COL23A1: variants seen among roughly 807,000 people sequenced by gnomAD.
The protein encoded by COL23A1 is collagen alpha-1(XXIII) chain.
COL23A1 carries 97 observed loss-of-function variants against 99.3 expected under a neutral mutation model. That is an observed-to-expected ratio of 0.98 (90% CI 0.83 to 1.16). The LOEUF is 1.16. Among genes scored for constraint, COL23A1 ranks in the 50% most tolerant of loss-of-function variants. COL23A1 has a pLI of 0.00. For synonymous variants in COL23A1, 320 were observed against 308.2 expected (o/e 1.04, Z -0.40); for missense variants, 762 against 757.4 (o/e 1.01, Z -0.07).
At chr5:178,578,294 G>A (rs1298640581) in intron 1 of COL23A1, among the ~76,000 whole-genome samples, 1 of 152,000 alleles carries the variant, frequency 6.6e-6, no homozygotes, top group East Asian at 1.9e-4. Flanking sequence ...CATTCTCCTG[G>A]CACACACATA....
chr5:178,559,009 C>G (rs958146384), intron 2 of COL23A1, among the ~76,000 whole-genome samples: 1 of 152,152 alleles, frequency 6.6e-6, no homozygotes. Flanking sequence ...AGACTGCTCT[C>G]GAACTCCTGA....
chr5:178,551,714 G>T (rs1018755512), intron 2 of COL23A1, among the ~76,000 whole-genome samples: 1 of 152,050 alleles, frequency 6.6e-6, no homozygotes, highest in African/African-American at 2.4e-5. Flanking sequence ...CTGGATTTAG[G>T]GGATGCTGCA....
intron 25 of COL23A1, among the ~76,000 whole-genome samples, chr5:178,243,904 A>G (rs1764538814): frequency 6.6e-6 from 1 of 152,116 alleles, no homozygotes; most frequent in Non-Finnish European, 1.5e-5. Context: ...ATCCCTTCCC[A>G]TTGATGGAAC....
chr5:178,408,976 ACACAC>A (rs1764915702), intron 2 of COL23A1, among the ~76,000 whole-genome samples: 3 of 13,474 alleles, frequency 2.2e-4, no homozygotes, highest in Admixed American at 1.1e-3. Context: ...AAAAAAAAAT[ACACAC>A]ACACACACAC....
At chr5:178,292,233 G>GC (rs5873604) in intron 3 of COL23A1, among the ~76,000 whole-genome samples, 91,866 of 151,718 alleles carry the variant, frequency 0.61, 28,641 homozygotes, top group Non-Finnish European at 0.7. Flanking sequence ...GCCCGCACCT[G>GC]CCCCTGCACC....
At chr5:178,386,608 T>A (rs961333592) in intron 2 of COL23A1, among the ~76,000 whole-genome samples, 23 of 151,970 alleles carry the variant, frequency 1.5e-4, no homozygotes, top group African/African-American at 5.6e-4. Flanking sequence ...GGGTGAGTGT[T>A]TGATAAAGTG....
chr5:178,288,463 GA>G, intron 4 of COL23A1, 113 bp from the exon 5 acceptor site: 1 of 918,244 alleles, frequency 1.1e-6, no homozygotes, highest in Non-Finnish European at 1.8e-6. Flanking sequence ...GCTGGTTGGT[GA>G]CTTCCTCTGC....
intron 2 of COL23A1, among the ~76,000 whole-genome samples, chr5:178,348,992 G>C (rs1167166900): frequency 2.0e-5 from 3 of 151,992 alleles, no homozygotes; most frequent in Non-Finnish European, 2.9e-5. Context: ...GTGAACACAT[G>C]TGCAAAGGTG....
chr5:178,557,456 C>A (rs1762335966), intron 2 of COL23A1, among the ~76,000 whole-genome samples: 1 of 152,134 alleles, frequency 6.6e-6, no homozygotes, highest in Non-Finnish European at 1.5e-5. Flanking sequence ...CAGCTCAGGG[C>A]CCCCCGCCAG....
chr5:178,246,668 T>A (rs1443022410), intron 22 of COL23A1, among the ~76,000 whole-genome samples: 1 of 148,090 alleles, frequency 6.8e-6, no homozygotes, highest in East Asian at 2.0e-4. Context: ...CTCAGCCCCA[T>A]GGAAGGTGAT....
In COL23A1 at chr5:178,559,970, T is replaced by C. The variant is rs376233889; in HGVS notation, c.361+712A>G. 2.8e-4 allele frequency among the ~76,000 whole-genome samples: 43 copies of C among 152,298 alleles called. No individual in the cohort carries two copies. The East Asian group carries it at 7.1e-3, about 25-fold the overall frequency. ...ACATCACCATTTTCCACTCATCCAC[T>C]GGTATCAGACACCATTCTAAGGGAG... On this transcript the variant is annotated intron_variant, in intron 2 of 28. Transcript: ENST00000390654.
intron 2 of COL23A1, among the ~76,000 whole-genome samples, chr5:178,427,505 C>T (rs1368608451): frequency 1.3e-5 from 2 of 152,206 alleles, no homozygotes; most frequent in Non-Finnish European, 2.9e-5. Context: ...ATTTCCAAAC[C>T]TGCAAGCAGC....
Position 178,255,406 on chromosome 5 carries a change from C to T in COL23A1, c.883-380G>A, listed in dbSNP as rs1277997816. Among the ~76,000 whole-genome samples the T allele has an allele frequency of 6.6e-6, 1 of 152,194 alleles. No homozygotes were observed. Among genetic ancestry groups the T allele is most frequent in the Non-Finnish European group, 1.5e-5 (1 of 68,032 alleles). On this transcript the variant is annotated intron_variant, in intron 15 of 28. Coordinates refer to ENST00000390654, the MANE Select transcript of COL23A1 (RefSeq NM_173465.4). The surrounding 1 kb of genome is among the most constrained non-coding windows in gnomAD (Gnocchi z 4.2). ...AAGACATGAGCAGGCTGGATCTGGC[C>T]CCCGTGCCTCCATTTCCCAGCCTCT...
At position 178,385,846 on chromosome 5, in the gene COL23A1, G is replaced by A. The variant is rs189657884; in HGVS notation, c.362-78927C>T. On this transcript the variant is annotated intron_variant, in intron 2 of 28. Transcript: ENST00000390654. ...TCTGGGATCAGAAAGTTCCCGTGTC[G>A]GCTGCCAGGATTTTCAAAAGATGTA... 3.0e-4 allele frequency among the ~76,000 whole-genome samples: 45 copies of A among 152,298 alleles called. No homozygotes were observed. The Middle Eastern group carries it at 0.01, about 35-fold the overall frequency.
intron 2 of COL23A1, among the ~76,000 whole-genome samples, chr5:178,512,590 T>A (rs777147168): frequency 3.3e-5 from 5 of 152,162 alleles, no homozygotes; most frequent in South Asian, 2.1e-4. Flanking sequence ...CCTGCTCAGA[T>A]TCTAAAGTGA....
chr5:178,497,623 G>A (rs907168375), intron 2 of COL23A1, among the ~76,000 whole-genome samples: 3 of 152,178 alleles, frequency 2.0e-5, no homozygotes, highest in Middle Eastern at 3.2e-3. Context: ...ACAGAAACAT[G>A]TAATCACAAA....
At chr5:178,259,792 G>A in intron 11 of COL23A1, 45 bp from the exon 12 acceptor site, 1 of 1,566,166 alleles carries the variant, frequency 6.4e-7, no homozygotes, top group Non-Finnish European at 8.7e-7. Context: ...CAAAACCATA[G>A]GAGAGTGGCC....
At chr5:178,543,594 G>A (rs1247537230) in intron 2 of COL23A1, among the ~76,000 whole-genome samples, 3 of 152,108 alleles carry the variant, frequency 2.0e-5, no homozygotes, top group African/African-American at 4.8e-5. Context: ...TTCCACAGGC[G>A]GCTGCAGGGT....
chr5:178,536,287 ACAACAG>A (rs1374729897), intron 2 of COL23A1, among the ~76,000 whole-genome samples: 2 of 152,210 alleles, frequency 1.3e-5, no homozygotes, highest in Non-Finnish European at 2.9e-5. Context: ...AGAGATGGAG[ACAACAG>A]CACCCTGACA....
Sources: gnomAD v4.1 joint callset for allele counts (sites outside exome capture counted in the v4.1 genomes callset) on GRCh38, gnomAD v4.1.1 for gene constraint, Gnocchi (gnomAD v3.1) non-coding constraint, MANE v1.5 for transcripts, NCBI Gene and HGNC (gene_info 2026-07-23, HGNC 2026-07-21) for gene names.